VSNL1: variants seen among roughly 807,000 people sequenced by gnomAD.
VSNL1 encodes the protein visinin like 1, also known as visinin-like protein 1.
In VSNL1, 6 loss-of-function variants were observed where a neutral mutation model predicts 20.4. The ratio of observed to expected loss-of-function variants is 0.29; its 90% CI spans 0.16 to 0.58. The LOEUF (loss-of-function observed/expected upper bound fraction) is 0.58. Among genes scored for constraint, VSNL1 ranks in the 20% least tolerant of loss-of-function variants. The pLI is 0.90. For synonymous variants in VSNL1, 93 were observed against 86.4 expected, an observed-to-expected ratio of 1.08 and a Z score of -0.42; for missense variants, 100 against 234.5, an observed-to-expected ratio of 0.43 and a Z score of 3.75.
rs938077264 is a variant in VSNL1 at position 17,656,490 on chromosome 2, C to A, written c.*1096C>A. ...GTGCAACTACGTGGAGCTGTGCACA[C>A]ACAGCAGGTAGGCTGCAGGTGTCCC... is the stretch of plus-strand genomic sequence containing the variant. On this transcript the variant is annotated 3_prime_UTR_variant, in exon 4 of 4. Coordinates refer to ENST00000295156, the MANE Select transcript of VSNL1 (RefSeq NM_003385.5). 6.6e-6 allele frequency: 1 copy of A among 152,216 alleles called. No individual in the cohort carries two copies. The highest frequency in any genetic ancestry group is 1.5e-5 in the Non-Finnish European group (1 of 68,042). The allele number at this position is 152,216 out of a possible 1,614,324, so 9.4% of individuals were successfully genotyped here.
At chr2:17,609,242 TA>T (rs1207044752) in intron 2 of VSNL1, among the ~76,000 whole-genome samples, 2 of 152,140 alleles carry the variant, frequency 1.3e-5, no homozygotes, top group Non-Finnish European at 2.9e-5. Flanking sequence ...CAGTGTCACA[TA>T]AGCTGGTAGG....
chr2:17,656,234 C>G lies in VSNL1; in HGVS notation c.*840C>G, dbSNP rs548429860. 3 of 152,174 alleles carry G rather than the reference C, an allele frequency of 2.0e-5. No individual in the cohort carries two copies. The South Asian group carries it at 6.2e-4, about 32-fold the overall frequency. The allele number at this position is 152,174 out of a possible 1,614,324, so 9.4% of individuals were successfully genotyped here. ...ATTTTAAAATTGCAGCAGTTGCTAGCAACAACTTACTAAATCTACTCTTAA... is the reference window on the plus strand; with the variant it reads ...ATTTTAAAATTGCAGCAGTTGCTAGGAACAACTTACTAAATCTACTCTTAA... On this transcript the variant is annotated 3_prime_UTR_variant, in exon 4 of 4. Coordinates refer to ENST00000295156, the MANE Select transcript of VSNL1 (RefSeq NM_003385.5).
intron 2 of VSNL1, among the ~76,000 whole-genome samples, chr2:17,640,653 A>C (rs1175303664): frequency 2.0e-5 from 3 of 152,248 alleles, no homozygotes; most frequent in African/African-American, 7.2e-5. Context: ...AATGATCCTG[A>C]ACTTGTTCAT....
At chr2:17,600,261 A>T (rs1664795047) in intron 2 of VSNL1, among the ~76,000 whole-genome samples, 1 of 152,222 alleles carries the variant, frequency 6.6e-6, no homozygotes, top group South Asian at 2.1e-4. Context: ...CTCACCTGTC[A>T]AATGAGAATA....
In VSNL1 at chr2:17,656,858, AGT is replaced by A. The variant is rs1315433101; in HGVS notation, c.*1467_*1468del. The A allele has an allele frequency of 6.6e-6, 1 of 152,250 alleles. No homozygotes were observed. 9.4% of individuals were successfully genotyped at this position (152,250 alleles called of 1,614,324 possible). A position where few individuals can be genotyped will look rare whatever the true frequency, so the allele number is the denominator to read the frequency against. On this transcript the variant is annotated 3_prime_UTR_variant, in exon 4 of 4. Transcript: ENST00000295156. Reference sequence around the variant, plus strand: ...GGAACTGAATTTTATACTGTAATTAAGTGTAATTTGCCACATATAGCTAGTGG... The same window carrying A: ...GGAACTGAATTTTATACTGTAATTAAGTAATTTGCCACATATAGCTAGTGG...
At chr2:17,621,286 TTCTC>T (rs961140132) in intron 2 of VSNL1, among the ~76,000 whole-genome samples, 9 of 151,808 alleles carry the variant, frequency 5.9e-5, no homozygotes, top group East Asian at 3.9e-4. Flanking sequence ...CTTTCTTTTT[TTCTC>T]TCTCTCTTTT....
chr2:17,631,917 C>T (rs536102292), intron 2 of VSNL1, among the ~76,000 whole-genome samples: 4 of 152,320 alleles, frequency 2.6e-5, no homozygotes, highest in South Asian at 4.1e-4. Flanking sequence ...GATGTAGTCT[C>T]GCTCTGTCAC....
In VSNL1 at chr2:17,649,602, G is replaced by A. The variant is rs1486578912; in HGVS notation, c.355G>A (p.Val119Met). ...DLDGDGKITR[V>M]EMLEIIEAIY... ...GGATGGTGATGGCAAGATCACCCGA[G>A]TGGAGATGCTGGAGATCATCGAGGT... Residue 119 changes from valine (V) to methionine (M), a missense_variant, in exon 3 of 4, where the codon GTG becomes ATG. Val to Met is a conservative substitution (Grantham distance 21). Coordinates refer to ENST00000295156, the MANE Select transcript of VSNL1 (RefSeq NM_003385.5). This position sits in a 1 kb window ranked among gnomAD's most constrained non-coding sequence, Gnocchi z 6.4. The A allele has an allele frequency of 6.2e-7, 1 of 1,614,180 alleles. No individual in the cohort carries two copies. Among genetic ancestry groups the A allele is most frequent in the Non-Finnish European group, 8.5e-7 (1 of 1,180,036 alleles).
chr2:17,578,404 T>A (rs2103362818), intron 1 of VSNL1, among the ~76,000 whole-genome samples: 1 of 152,348 alleles, frequency 6.6e-6, no homozygotes, highest in Middle Eastern at 3.4e-3. Context: ...TTTCTTTTGG[T>A]TTCAACATGG....
chr2:17,613,605 C>T (rs556043358), intron 2 of VSNL1, among the ~76,000 whole-genome samples: 6 of 152,282 alleles, frequency 3.9e-5, no homozygotes, highest in African/African-American at 1.4e-4. Context: ...GACAGTCAGT[C>T]CAGTGTCTTC....
At chr2:17,547,783 A>G (rs1663435521) in intron 1 of VSNL1, among the ~76,000 whole-genome samples, 1 of 152,092 alleles carries the variant, frequency 6.6e-6, no homozygotes, top group Non-Finnish European at 1.5e-5. Context: ...AGTCCAGAAT[A>G]TGGAAGTGAA....
Position 17,642,309 on chromosome 2 carries a change from C to CTTTTTTTTTTTTTT in VSNL1, c.163-7097_163-7084dup, listed in dbSNP as rs577471307. Among the ~76,000 whole-genome samples, 278 of 93,188 alleles carry CTTTTTTTTTTTTTT rather than the reference C, an allele frequency of 3.0e-3. 40 individuals are homozygous for CTTTTTTTTTTTTTT. Among genetic ancestry groups the CTTTTTTTTTTTTTT allele is most frequent in the Non-Finnish European group, 4.6e-3 (205 of 44,222 alleles). 61.1% of individuals were successfully genotyped at this position (93,188 alleles called of 152,430 possible). On this transcript the variant is annotated intron_variant, in intron 2 of 3. Coordinates refer to ENST00000295156, the MANE Select transcript of VSNL1 (RefSeq NM_003385.5). ...CTGGCTTTTCCCATGGTGAGCATTCCTTTTTTTTTTTTTTTTTGAGACAGA... is the reference window on the plus strand; with the variant it reads ...CTGGCTTTTCCCATGGTGAGCATTCCTTTTTTTTTTTTTTTTTTTTTTTTTTTTTTTGAGACAGA...
chr2:17,622,548 G>GAA (rs1382021576), intron 2 of VSNL1, among the ~76,000 whole-genome samples: 1 of 70,156 alleles, frequency 1.4e-5, no homozygotes, highest in Non-Finnish European at 3.2e-5. Context: ...AAGAAAGAAA[G>GAA]AAAGAAAGAA....
chr2:17,608,404 A>C (rs1241937088), intron 2 of VSNL1, among the ~76,000 whole-genome samples: 2 of 152,214 alleles, frequency 1.3e-5, no homozygotes, highest in Non-Finnish European at 2.9e-5. Context: ...GCCCCAGTCA[A>C]ATCTCTTGCA....
At chr2:17,592,001 C>G in intron 1 of VSNL1, 69 bp from the exon 2 acceptor site, 2 of 1,585,376 alleles carry the variant, frequency 1.3e-6, no homozygotes, top group Non-Finnish European at 1.7e-6. Context: ...AGAACTCTAG[C>G]TTGGCTCCTA....
chr2:17,590,224 A>G (rs879892031), intron 1 of VSNL1, among the ~76,000 whole-genome samples: 1 of 152,204 alleles, frequency 6.6e-6, no homozygotes, highest in Non-Finnish European at 1.5e-5. Context: ...GTGAGATTCT[A>G]GTTTAAGAAT....
chr2:17,618,078 TG>T (rs1665262356), intron 2 of VSNL1, among the ~76,000 whole-genome samples: 1 of 152,174 alleles, frequency 6.6e-6, no homozygotes, highest in Non-Finnish European at 1.5e-5. Context: ...GCTCTTGTCC[TG>T]GTACCTGCTA....
chr2:17,643,208 T>C (rs1178810806), intron 2 of VSNL1, among the ~76,000 whole-genome samples: 15 of 152,344 alleles, frequency 9.8e-5, no homozygotes, highest in Middle Eastern at 3.4e-3. Context: ...CCAGCACCAG[T>C]TGGGCTTCTG....
intron 1 of VSNL1, among the ~76,000 whole-genome samples, chr2:17,546,978 G>T (rs1350829041): frequency 6.6e-6 from 1 of 151,932 alleles, no homozygotes; most frequent in African/African-American, 2.4e-5. Context: ...GTATAAAATT[G>T]TTATTCTTTT....
Sources: allele counts gnomAD v4.1 joint callset (sites outside exome capture counted in the v4.1 genomes callset), GRCh38; gene constraint gnomAD v4.1.1; non-coding constraint Gnocchi (gnomAD v3.1); transcripts MANE v1.5; gene names NCBI Gene and HGNC (gene_info 2026-07-23, HGNC 2026-07-21).